The following TRPC4 variants were observed in gnomAD, a reference collection of about 807,000 sequenced individuals.
TRPC4 encodes the protein transient receptor potential cation channel subfamily C member 4.
Under a neutral mutation model 99.4 loss-of-function variants are expected in TRPC4, and 49 were observed. The ratio of observed to expected loss-of-function variants is 0.49; its 90% CI spans 0.39 to 0.63. The LOEUF is 0.63. TRPC4 is among the 20% of genes least tolerant of loss of function. The pLI, the probability that TRPC4 is intolerant of heterozygous loss-of-function variation, is 0.00. For missense variants in TRPC4, 898 were observed against 1,152.9 expected (o/e 0.78, Z 3.20); for synonymous variants, 454 against 425.9 (o/e 1.07, Z -0.81).
intron 3 of TRPC4, among the ~76,000 whole-genome samples, chr13:37,726,916 CTGA>C (rs1164501793): frequency 6.6e-6 from 1 of 151,968 alleles, no homozygotes; most frequent in African/African-American, 2.4e-5. Context: ...ATTGACACAC[CTGA>C]TGATAGTTCA....
At chr13:37,822,381 C>T (rs1458945143) in intron 1 of TRPC4, among the ~76,000 whole-genome samples, 5 of 152,052 alleles carry the variant, frequency 3.3e-5, no homozygotes, top group East Asian at 1.9e-4. Flanking sequence ...CCCACTAACT[C>T]GTCATCTAGC....
In TRPC4 at chr13:37,663,183, T is replaced by C. The variant is rs183868398; in HGVS notation, c.1688+233A>G. 7.2e-5 allele frequency among the ~76,000 whole-genome samples: 11 copies of C among 152,352 alleles called. No individual in the cohort carries two copies. In the East Asian group the frequency reaches 2.1e-3, roughly 29 times the overall value. On this transcript the variant is annotated intron_variant, in intron 6 of 10. Transcript: ENST00000379705. ...TATTGCTTTCTTTTTCATGAAGTCATTTAGAAGAAAAGATGATTTTACTAA... is the reference window on the plus strand; with the variant it reads ...TATTGCTTTCTTTTTCATGAAGTCACTTAGAAGAAAAGATGATTTTACTAA...
At chr13:37,805,869 C>T (rs977842348) in intron 1 of TRPC4, among the ~76,000 whole-genome samples, 3 of 151,826 alleles carry the variant, frequency 2.0e-5, no homozygotes, top group Admixed American at 1.3e-4. Flanking sequence ...GATGTCTTTA[C>T]TTGTGAAAAA....
At chr13:37,775,804 A>AT (rs5802900) in intron 2 of TRPC4, among the ~76,000 whole-genome samples, 1,970 of 149,006 alleles carry the variant, frequency 0.013, 19 homozygotes, top group Middle Eastern at 0.024. Context: ...GTGTTATCTG[A>AT]TTTTTTTTTT....
intron 1 of TRPC4, among the ~76,000 whole-genome samples, chr13:37,829,819 GC>G (rs1958362385): frequency 6.6e-6 from 1 of 152,106 alleles, no homozygotes; most frequent in African/African-American, 2.4e-5. Flanking sequence ...AAAATTTGAA[GC>G]ACTAGTTCGT....
chr13:37,721,631 C>G (rs1184846297), intron 3 of TRPC4, among the ~76,000 whole-genome samples: 1 of 151,894 alleles, frequency 6.6e-6, no homozygotes, highest in African/African-American at 2.4e-5. Context: ...ACTAAATGTT[C>G]GAAGATTGTT....
At chr13:37,752,093 A>ATATATATG (rs1955949949) in intron 2 of TRPC4, among the ~76,000 whole-genome samples, 2 of 133,580 alleles carry the variant, frequency 1.5e-5, no homozygotes, top group South Asian at 4.7e-4. Flanking sequence ...ATATATATAT[A>ATATATATG]TATGACTGGT....
intron 1 of TRPC4, among the ~76,000 whole-genome samples, chr13:37,826,671 G>A (rs1302955706): frequency 1.3e-5 from 2 of 152,034 alleles, no homozygotes; most frequent in Non-Finnish European, 2.9e-5. Flanking sequence ...TTCCCTTTGA[G>A]GGTAACCCGA....
chr13:37,677,414 G>A (rs1953097719), intron 4 of TRPC4, among the ~76,000 whole-genome samples: 1 of 151,712 alleles, frequency 6.6e-6, no homozygotes, highest in South Asian at 2.1e-4. Context: ...TATGAAAAAA[G>A]TACAGGCATA....
intron 1 of TRPC4, among the ~76,000 whole-genome samples, chr13:37,819,951 A>G (rs1957967355): frequency 1.3e-5 from 2 of 151,998 alleles, no homozygotes; most frequent in Admixed American, 1.3e-4. Context: ...AAAATCAGAG[A>G]TGAACCAAAG....
chr13:37,808,757 A>C (rs1467484748), intron 1 of TRPC4, among the ~76,000 whole-genome samples: 1 of 152,048 alleles, frequency 6.6e-6, no homozygotes, highest in Non-Finnish European at 1.5e-5. Context: ...CATGATCACC[A>C]AGAATTCAAT....
chr13:37,729,284 C>T (rs984190986), intron 3 of TRPC4, among the ~76,000 whole-genome samples: 1 of 151,914 alleles, frequency 6.6e-6, no homozygotes, highest in African/African-American at 2.4e-5. Context: ...TGAGATGCAC[C>T]CTCACACTCG....
chr13:37,769,639 T>C (rs1705089425), intron 2 of TRPC4, among the ~76,000 whole-genome samples: 2 of 151,516 alleles, frequency 1.3e-5, no homozygotes, highest in African/African-American at 2.4e-5. Context: ...TCATGCTTCC[T>C]GGCTCCAGGG....
At chr13:37,745,820 C>T in intron 3 of TRPC4, 117 bp downstream of exon 3, 2 of 1,062,478 alleles carry the variant, frequency 1.9e-6, no homozygotes, top group South Asian at 1.6e-5. Context: ...AAATGTCATC[C>T]ACTTACAGCT....
chr13:37,747,824 G>A (rs954015698), intron 2 of TRPC4, among the ~76,000 whole-genome samples: 8 of 152,066 alleles, frequency 5.3e-5, no homozygotes, highest in African/African-American at 1.9e-4. Flanking sequence ...AACACTTTTT[G>A]AAATGTGCTT....
intron 5 of TRPC4, among the ~76,000 whole-genome samples, chr13:37,670,870 T>C (rs1952814945): frequency 6.6e-6 from 1 of 152,228 alleles, no homozygotes; most frequent in Non-Finnish European, 1.5e-5. Flanking sequence ...CTGTCTTGAA[T>C]GCTCATGCAT....
intron 1 of TRPC4, among the ~76,000 whole-genome samples, chr13:37,814,804 A>G (rs868372656): frequency 6.6e-6 from 1 of 151,836 alleles, no homozygotes; most frequent in African/African-American, 2.4e-5. Context: ...ATTCCAACTT[A>G]CTTTTTAAAA....
intron 3 of TRPC4, among the ~76,000 whole-genome samples, chr13:37,745,436 G>GTATATATA (rs1201385469): frequency 4.8e-4 from 10 of 20,716 alleles, no homozygotes; most frequent in African/African-American, 9.3e-4. Flanking sequence ...ATATATATGC[G>GTATATATA]TATATATATA....
chr13:37,652,211 C>G (rs1258557210), intron 7 of TRPC4, among the ~76,000 whole-genome samples: 3 of 152,200 alleles, frequency 2.0e-5, no homozygotes, highest in Non-Finnish European at 4.4e-5. Flanking sequence ...AGCCATAAAT[C>G]TGATTTAAGC....
Sources: gnomAD v4.1 joint callset for allele counts (sites outside exome capture counted in the v4.1 genomes callset) on GRCh38, gnomAD v4.1.1 for gene constraint, MANE v1.5 for transcripts, NCBI Gene and HGNC (gene_info 2026-07-23, HGNC 2026-07-21) for gene names.